MYH11: variants seen among roughly 807,000 people sequenced by gnomAD.
MYH11 encodes the protein myosin heavy chain 11.
Under a neutral mutation model 246.6 loss-of-function variants are expected in MYH11, and 80 were observed. The observed-to-expected ratio is 0.32, with a 90% CI of 0.27 to 0.39. The LOEUF (loss-of-function observed/expected upper bound fraction) is 0.39, where lower values mean the gene tolerates loss of function less well. Ranked by LOEUF, MYH11 falls within the 10% of genes least tolerant of loss-of-function variation. MYH11 has a pLI of 1.00. For missense variants in MYH11, 2,158 were observed against 2,546.8 expected (o/e 0.85, Z 3.29); for synonymous variants, 1,071 against 1,015.5 (o/e 1.05, Z -1.04).
At chr16:15,737,285 T>G (rs545295179) in intron 25 of MYH11, among the ~76,000 whole-genome samples, 164 bp downstream of exon 25, 14 of 151,756 alleles carry the variant, frequency 9.2e-5, no homozygotes, top group African/African-American at 3.1e-4. Context: ...TCTGGGGGAG[T>G]GAACAGGGTC....
At chr16:15,742,819 GTTAA>G (rs1308682147) in intron 20 of MYH11, among the ~76,000 whole-genome samples, 1 of 148,984 alleles carries the variant, frequency 6.7e-6, no homozygotes, top group Non-Finnish European at 1.5e-5. Context: ...CATCTTTTAA[GTTAA>G]TTTATTTATT....
At chr16:15,830,457 T>A (rs1404816326) in intron 2 of MYH11, among the ~76,000 whole-genome samples, 1 of 152,174 alleles carries the variant, frequency 6.6e-6, no homozygotes, top group Non-Finnish European at 1.5e-5. Flanking sequence ...GCCCTCTCTC[T>A]ACTACCATGG....
At chr16:15,833,357 G>C (rs2043796653) in intron 2 of MYH11, among the ~76,000 whole-genome samples, 1 of 142,322 alleles carries the variant, frequency 7.0e-6, no homozygotes, top group Non-Finnish European at 1.5e-5. Flanking sequence ...GAGAAAGAAA[G>C]GAAGAAAGAG....
rs2041285830 is a variant in MYH11, at chr16:15,741,902, A to G, written c.2521-11T>C. On this transcript the variant is annotated splice_polypyrimidine_tract_variant and intron_variant, in intron 20 of 40. Transcript: ENST00000300036. ...CAGCAGTGGCTTCACCTGCACACACACGGTTAGCCCATCATTTGTTTTTGT... is the reference window on the plus strand; with the variant it reads ...CAGCAGTGGCTTCACCTGCACACACGCGGTTAGCCCATCATTTGTTTTTGT... The G allele has an allele frequency of 6.2e-7, 1 of 1,614,126 alleles. No homozygotes were observed. Among genetic ancestry groups the G allele is most frequent in the Non-Finnish European group, 8.5e-7 (1 of 1,180,010 alleles).
intron 25 of MYH11, among the ~76,000 whole-genome samples, chr16:15,736,059 G>C (rs1596754107): frequency 1.3e-5 from 2 of 152,226 alleles, no homozygotes; most frequent in African/African-American, 4.8e-5. Flanking sequence ...TGGAGGTGGT[G>C]ACCAGAGATC....
intron 27 of MYH11, 62 bp downstream of exon 27, chr16:15,732,502 T>C: frequency 2.5e-6 from 4 of 1,612,524 alleles, no homozygotes. Context: ...CCTGTAGTAA[T>C]TTGAGGCTGC....
At chr16:15,776,001 GCCAATCCCTTAACC>G (rs969194194) in intron 8 of MYH11, 63 bp downstream of exon 8, 2 of 1,076,556 alleles carry the variant, frequency 1.9e-6, no homozygotes, top group African/African-American at 1.6e-5. Flanking sequence ...TGTTTTAATA[GCCAATCCCTTAACC>G]CCGGATTCTG....
chr16:15,810,953 C>T (rs2043124590), intron 3 of MYH11, among the ~76,000 whole-genome samples: 1 of 152,066 alleles, frequency 6.6e-6, no homozygotes, highest in African/African-American at 2.4e-5. Flanking sequence ...GATATTTAAC[C>T]CCTTTCTGAT....
intron 2 of MYH11, among the ~76,000 whole-genome samples, chr16:15,830,112 G>A (rs1358799119): frequency 6.8e-6 from 1 of 147,670 alleles, no homozygotes; most frequent in African/African-American, 2.5e-5. Flanking sequence ...TCCAGCCTGG[G>A]TGATACAGCG....
chr16:15,753,364 G>C, intron 15 of MYH11, 30 bp downstream of exon 15: 1 of 1,593,064 alleles, frequency 6.3e-7, no homozygotes, highest in Non-Finnish European at 8.6e-7. Flanking sequence ...GCTCAAAGCA[G>C]AACATGGACC....
chr16:15,715,784 C>A (rs368281860), intron 38 of MYH11, among the ~76,000 whole-genome samples: 5 of 152,042 alleles, frequency 3.3e-5, no homozygotes, highest in African/African-American at 1.2e-4. Flanking sequence ...GTAGCTGGGA[C>A]TACAGGCGTA....
chr16:15,801,945 A>G (rs896593551), intron 3 of MYH11, among the ~76,000 whole-genome samples: 6 of 152,048 alleles, frequency 3.9e-5, no homozygotes, highest in African/African-American at 1.5e-4. Context: ...CAACAGAGCG[A>G]GACTCCAAAA....
intron 3 of MYH11, among the ~76,000 whole-genome samples, chr16:15,808,006 C>T (rs955590697): frequency 6.6e-5 from 10 of 152,194 alleles, no homozygotes; most frequent in African/African-American, 2.4e-4. Context: ...CCTGCGTCTG[C>T]CCTTCTTTCT....
intron 5 of MYH11, chr16:15,786,417 C>G: frequency 1.3e-6 from 1 of 757,748 alleles, no homozygotes; most frequent in South Asian, 1.4e-5. Flanking sequence ...AAACGGGCCC[C>G]CTTCTGGAGG....
chr16:15,734,863 T>TATA (rs1315912679), intron 26 of MYH11, among the ~76,000 whole-genome samples: 4 of 152,150 alleles, frequency 2.6e-5, no homozygotes, highest in Non-Finnish European at 5.9e-5. Context: ...ATCCCTGGTA[T>TATA]ATACTACTCT....
intron 40 of MYH11, among the ~76,000 whole-genome samples, chr16:15,706,987 C>G (rs2039490586): frequency 6.6e-6 from 1 of 152,148 alleles, no homozygotes; most frequent in South Asian, 2.1e-4. Context: ...ATACCTGTTA[C>G]AGGAACTAAG....
chr16:15,720,335 T>C, intron 33 of MYH11, 23 bp from the exon 34 acceptor site: 1 of 1,610,500 alleles, frequency 6.2e-7, no homozygotes, highest in East Asian at 2.2e-5. Flanking sequence ...TAGAGATGTG[T>C]GCTGCCCCAC....
chr16:15,707,029 G>C (rs1293589094), intron 40 of MYH11, among the ~76,000 whole-genome samples: 1 of 152,076 alleles, frequency 6.6e-6, no homozygotes, highest in Non-Finnish European at 1.5e-5. Flanking sequence ...TAAAGGGTCT[G>C]ATCCTGGAGA....
In MYH11 at chr16:15,756,537, G is replaced by C. The variant is rs184916470; in HGVS notation, c.1576-23C>G. ...GTTCTGTGGGAGACAAGTAGGGCTTGAATCAGAGAGAACACCCAACCTCAG... is the reference window on the plus strand; with the variant it reads ...GTTCTGTGGGAGACAAGTAGGGCTTCAATCAGAGAGAACACCCAACCTCAG... On this transcript the variant is annotated intron_variant, in intron 13 of 40. Coordinates refer to ENST00000300036, the MANE Select transcript of MYH11 (RefSeq NM_002474.3). 3.1e-6 allele frequency: 5 copies of C among 1,613,902 alleles called. No homozygotes were observed. In the South Asian group the frequency reaches 3.3e-5, roughly 11 times the overall value.
Sources: allele counts gnomAD v4.1 joint callset (sites outside exome capture counted in the v4.1 genomes callset), GRCh38; gene constraint gnomAD v4.1.1; transcripts MANE v1.5; gene names NCBI Gene and HGNC (gene_info 2026-07-23, HGNC 2026-07-21).